The following WBP2NL variants were observed in gnomAD, a reference collection of about 807,000 sequenced individuals.
The protein encoded by WBP2NL is WBP2 N-terminal like.
In WBP2NL, 27 loss-of-function variants were observed where a neutral mutation model predicts 23.3. The observed-to-expected ratio is 1.16, with a 90% CI of 0.85 to 1.60. The LOEUF (loss-of-function observed/expected upper bound fraction) is 1.60. Among genes scored for constraint, WBP2NL ranks in the 40% most tolerant of loss-of-function variants. WBP2NL has a pLI of 0.00. For missense variants in WBP2NL, 370 were observed against 389.5 expected, an observed-to-expected ratio of 0.95 and a Z score of 0.42; for synonymous variants, 151 against 145.9, an observed-to-expected ratio of 1.03 and a Z score of -0.25.
In WBP2NL at chr22:42,006,825, G is replaced by C. The variant is rs116290918; in HGVS notation, c.62+7945G>C. 5.2e-3 allele frequency among the ~76,000 whole-genome samples: 786 copies of C among 152,322 alleles called. 3 individuals are homozygous for C. Among genetic ancestry groups the C allele is most frequent in the African/African-American group, 0.018 (738 of 41,572 alleles). On this transcript the variant is annotated intron_variant, in intron 1 of 5. Coordinates refer to ENST00000328823, the MANE Select transcript of WBP2NL (RefSeq NM_152613.3). ...ACAGTTGAGAAATTGATCACAGCTT[G>C]CTGTGTTTTGTAGAGATTTTTTCTG...
At chr22:42,040,524 C>T (rs940279403) in intron 8 of WBP2NL, among the ~76,000 whole-genome samples, 10 of 152,196 alleles carry the variant, frequency 6.6e-5, no homozygotes, top group Non-Finnish European at 1.2e-4. Context: ...CTCGCCTGAC[C>T]GAGATCTTTC....
chr22:42,047,715 G>A lies in WBP2NL; in HGVS notation c.*274-10575G>A, dbSNP rs1431022218. ...CAGCTTACTGCAAGCTCCGCCTCCC[G>A]GGTTCACGCCATTCTCCTGCCTCAG... On this transcript the variant is annotated intron_variant and NMD_transcript_variant, in intron 8 of 8. Transcript: ENST00000436265. Among the ~76,000 whole-genome samples, 3 of 147,310 alleles carry A rather than the reference G, an allele frequency of 2.0e-5. No individual in the cohort carries two copies. The Admixed American group carries it at 2.1e-4, about 10-fold the overall frequency.
chr22:42,011,684 C>T (rs1181500946), intron 1 of WBP2NL, among the ~76,000 whole-genome samples: 2 of 151,840 alleles, frequency 1.3e-5, no homozygotes, highest in African/African-American at 4.8e-5. Context: ...GGTTATCCAA[C>T]TTGACATACA....
Position 42,027,349 on chromosome 22 carries a change from C to A in WBP2NL, c.*168C>A. Reference sequence around the variant, plus strand: ...GGGAAGGTGAAACTTTACTTCTGTGCCTAGATTTTAGAAGCAGAATCAACT... The same window carrying A: ...GGGAAGGTGAAACTTTACTTCTGTGACTAGATTTTAGAAGCAGAATCAACT... On this transcript the variant is annotated 3_prime_UTR_variant, in exon 6 of 6. Transcript: ENST00000328823. The A allele has an allele frequency of 3.6e-6, 3 of 840,332 alleles. No individual in the cohort carries two copies. The highest frequency in any genetic ancestry group is 5.1e-6 in the Non-Finnish European group (3 of 582,988). The allele number at this position is 840,332 out of a possible 1,614,324, so 52.1% of individuals were successfully genotyped here. A position where few individuals can be genotyped will look rare whatever the true frequency, so the allele number is the denominator to read the frequency against.
At chr22:42,004,662 G>A (rs1391572545) in intron 1 of WBP2NL, among the ~76,000 whole-genome samples, 3 of 152,164 alleles carry the variant, frequency 2.0e-5, no homozygotes, top group Non-Finnish European at 4.4e-5. Context: ...AGTGGCTCAC[G>A]GTTGTAATCC....
intron 1 of WBP2NL, chr22:42,003,592 A>G (rs1039529832): frequency 6.6e-6 from 1 of 152,238 alleles, no homozygotes; most frequent in Non-Finnish European, 1.5e-5. Flanking sequence ...GTATACAAAT[A>G]AAAGATGTTA....
chr22:42,016,707 G>A (rs5758550), intron 1 of WBP2NL, among the ~76,000 whole-genome samples: 109,774 of 151,994 alleles, frequency 0.72, 40,099 homozygotes, highest in East Asian at 0.9. Context: ...ACAGTTTTTT[G>A]CTAATGTCCT....
Position 42,019,679 on chromosome 22 carries a change from A to C in WBP2NL, c.189A>C (p.Ser63=). Residue 63 remains serine, a synonymous_variant, in exon 3 of 6, where the codon TCA becomes TCC. Coordinates refer to ENST00000328823, the MANE Select transcript of WBP2NL (RefSeq NM_152613.3). Reference sequence around the variant, plus strand: ...TTGCGTAGGTGATTTTCATAACTTCATGCTCCATCAGTGATCCCATGTTGT... The same window carrying C: ...TTGCGTAGGTGATTTTCATAACTTCCTGCTCCATCAGTGATCCCATGTTGT... ...LTSYRVIFIT[S]CSISDPMLSF... is the part of the protein sequence containing the mutation. 2 of 1,614,118 alleles carry C rather than the reference A, an allele frequency of 1.2e-6. No homozygotes were observed.
intron 3 of WBP2NL, 72 bp downstream of exon 3, chr22:42,019,875 G>C: frequency 6.2e-7 from 1 of 1,600,262 alleles, no homozygotes; most frequent in Non-Finnish European, 8.5e-7. Flanking sequence ...ATTCAAACTT[G>C]GCTCATGTTG....
intron 1 of WBP2NL, among the ~76,000 whole-genome samples, chr22:42,008,167 C>CTTTCT: frequency 7.1e-6 from 1 of 139,996 alleles, no homozygotes; most frequent in South Asian, 2.3e-4. Context: ...CTTTCCTTTC[C>CTTTCT]TTTCTCCCTC....
intron 8 of WBP2NL, among the ~76,000 whole-genome samples, chr22:42,057,622 G>T (rs1343339498): frequency 6.6e-6 from 1 of 150,784 alleles, no homozygotes; most frequent in African/African-American, 2.4e-5. Context: ...TTCTGTGAAA[G>T]TTGATTTTGA....
At chr22:42,033,716 T>G (rs981361880), downstream of WBP2NL, among the ~76,000 whole-genome samples, 2 of 152,256 alleles carry the variant, frequency 1.3e-5, no homozygotes, top group Non-Finnish European at 1.5e-5. Context: ...ATTGTGCTGA[T>G]GTCTGCTGCT....
chr22:42,050,122 T>C (rs1477788093), intron 8 of WBP2NL, among the ~76,000 whole-genome samples: 2 of 151,782 alleles, frequency 1.3e-5, no homozygotes, highest in African/African-American at 4.8e-5. Flanking sequence ...TTAAGACCAG[T>C]CTGGGCAACA....
intron 8 of WBP2NL, among the ~76,000 whole-genome samples, chr22:42,050,037 T>TAAA (rs1925779185): frequency 1.3e-5 from 2 of 151,900 alleles, no homozygotes; most frequent in South Asian, 4.2e-4. Context: ...TGCCATCTTT[T>TAAA]ATATCTAAAA....
At chr22:42,007,178 C>G (rs1390762473) in intron 1 of WBP2NL, among the ~76,000 whole-genome samples, 1 of 152,096 alleles carries the variant, frequency 6.6e-6, no homozygotes, top group Non-Finnish European at 1.5e-5. Flanking sequence ...GTGCATAAAT[C>G]TTTACTCAAC....
At chr22:42,026,004 G>T (rs12168474) in intron 5 of WBP2NL, among the ~76,000 whole-genome samples, 3,599 of 152,242 alleles carry the variant, frequency 0.024, 150 homozygotes, top group African/African-American at 0.083. Context: ...GGGCGCAGTG[G>T]CTCACGCCTG....
At chr22:42,029,154 C>G (rs1051972582), downstream of WBP2NL, among the ~76,000 whole-genome samples, 3 of 152,068 alleles carry the variant, frequency 2.0e-5, no homozygotes, top group Non-Finnish European at 4.4e-5. Context: ...AAAGGGAGGC[C>G]TTAAAAATAC....
chr22:42,003,642 T>C (rs1388443279), intron 1 of WBP2NL, among the ~76,000 whole-genome samples: 1 of 152,140 alleles, frequency 6.6e-6, no homozygotes, highest in Non-Finnish European at 1.5e-5. Context: ...CAGGAGAAGA[T>C]TGATTCTATG....
At chr22:42,040,827 G>A (rs774344577) in intron 8 of WBP2NL, among the ~76,000 whole-genome samples, 6 of 152,178 alleles carry the variant, frequency 3.9e-5, no homozygotes, top group Admixed American at 6.5e-5. Context: ...TGTGACTTAA[G>A]ATGTGACCTA....
Sources: allele counts gnomAD v4.1 joint callset (sites outside exome capture counted in the v4.1 genomes callset), GRCh38; gene constraint gnomAD v4.1.1; transcripts MANE v1.5; gene names NCBI Gene and HGNC (gene_info 2026-07-23, HGNC 2026-07-21).